Variants in PRDM14 observed in about 807,000 individuals in gnomAD.
PRDM14 encodes PR domain zinc finger protein 14.
In PRDM14, 16 loss-of-function variants were observed where a neutral mutation model predicts 48.0. The ratio of observed to expected loss-of-function variants is 0.33; its 90% CI spans 0.23 to 0.51. The LOEUF is 0.51. PRDM14 is among the 20% of genes least tolerant of loss of function. The pLI, the probability that PRDM14 is intolerant of heterozygous loss-of-function variation, is 0.97. For synonymous variants in PRDM14, 264 were observed against 276.6 expected (o/e 0.95, Z 0.45); for missense variants, 566 against 719.6 (o/e 0.79, Z 2.44).
At chr8:70,066,859 G>A (rs992842831) in intron 4 of PRDM14, among the ~76,000 whole-genome samples, 3 of 151,894 alleles carry the variant, frequency 2.0e-5, no homozygotes, top group African/African-American at 4.8e-5. Context: ...CTGAGTAGCT[G>A]GAACTAAAGG....
Position 70,069,847 on chromosome 8 carries a change from C to A in PRDM14, c.14G>T (p.Arg5Leu), listed in dbSNP as rs1230505655. MALP[R>L]PSEAVPQDKV... ...GTCCTGAGGCACGGCCTCACTTGGC[C>A]GGGGTAGAGCCATCCCGGGACCGCA... is the stretch of plus-strand genomic sequence containing the variant. Residue 5 changes from arginine (R) to leucine (L), a missense_variant, in exon 2 of 8, where the codon CGG becomes CTG. This residue lies in a region of PRDM14 where 410 missense variants were observed against 424.6 expected (regional missense o/e 0.97). Transcript: ENST00000276594. The A allele has an allele frequency of 6.2e-7, 1 of 1,600,344 alleles. No homozygotes were observed. Among genetic ancestry groups the A allele is most frequent in the South Asian group, 1.1e-5 (1 of 89,018 alleles).
intron 7 of PRDM14, among the ~76,000 whole-genome samples, chr8:70,054,949 G>A (rs1805448533): frequency 1.3e-5 from 2 of 151,948 alleles, no homozygotes; most frequent in African/African-American, 4.8e-5. Context: ...AGCCTCCCAA[G>A]TAGCTGGGAC....
At chr8:70,063,194 G>A (rs1464342851) in intron 5 of PRDM14, among the ~76,000 whole-genome samples, 1 of 152,150 alleles carries the variant, frequency 6.6e-6, no homozygotes, top group East Asian at 1.9e-4. Context: ...AGAATTTAGG[G>A]AGGCCAAGGT....
In PRDM14 at chr8:70,051,760, C is replaced by A; in HGVS notation, c.*317G>T. Reference sequence around the variant, plus strand: ...TACATTGTCTCCACACTCTTGAGGGCTACTCATTTTTTTTGTTTTGTTTTG... The same window carrying A: ...TACATTGTCTCCACACTCTTGAGGGATACTCATTTTTTTTGTTTTGTTTTG... On this transcript the variant is annotated 3_prime_UTR_variant, in exon 8 of 8. Transcript: ENST00000276594. The A allele has an allele frequency of 7.3e-6, 1 of 136,934 alleles. No homozygotes were observed. Among genetic ancestry groups the A allele is most frequent in the Non-Finnish European group, 1.3e-5 (1 of 75,314 alleles). The allele number at this position is 136,934 out of a possible 1,614,324, so 8.5% of individuals were successfully genotyped here.
chr8:70,064,122 A>C (rs1300057156), intron 5 of PRDM14, among the ~76,000 whole-genome samples: 2 of 152,144 alleles, frequency 1.3e-5, no homozygotes, highest in Non-Finnish European at 2.9e-5. Context: ...CAGCATGGAC[A>C]TAAGATACCT....
intron 6 of PRDM14, among the ~76,000 whole-genome samples, chr8:70,056,095 A>G (rs1419155413): frequency 3.9e-5 from 6 of 152,376 alleles, no homozygotes; most frequent in Admixed American, 3.9e-4. Flanking sequence ...CTAGAAATCA[A>G]GGAGGGGTGA....
intron 4 of PRDM14, 96 bp from the exon 5 acceptor site, chr8:70,066,601 T>C: frequency 1.1e-6 from 1 of 904,540 alleles, no homozygotes; most frequent in South Asian, 1.7e-5. Context: ...ATATCACACT[T>C]GAGTCCACCA....
intron 2 of PRDM14, among the ~76,000 whole-genome samples, chr8:70,068,911 C>G (rs533493500): frequency 1.0e-3 from 153 of 152,328 alleles, no homozygotes; most frequent in African/African-American, 3.6e-3. Flanking sequence ...TCTGAACCTA[C>G]CTGGGAGTTC....
chr8:70,066,152 G>C, intron 5 of PRDM14, 83 bp downstream of exon 5: 1 of 1,433,278 alleles, frequency 7.0e-7, no homozygotes, highest in South Asian at 1.3e-5. Context: ...GGAGGGAGGA[G>C]CTGTGCATGG....
chr8:70,069,816 C>T lies in PRDM14; in HGVS notation c.45G>A (p.Val15=), dbSNP rs1258442465. The T allele has an allele frequency of 6.2e-7, 1 of 1,609,364 alleles. No individual in the cohort carries two copies. ...RPSEAVPQDK[V]CYPPESSPQN... is the part of the protein sequence containing the mutation. ...GCGGGCTGCTCTCCGGCGGGTAGCA[C>T]ACCTTGTCCTGAGGCACGGCCTCAC... The change falls in exon 2 of 8, where the codon GTG becomes GTA. Residue 15 remains valine, a synonymous_variant. Coordinates refer to ENST00000276594, the MANE Select transcript of PRDM14 (RefSeq NM_024504.4).
At position 70,051,796 on chromosome 8, in the gene PRDM14, G is replaced by A. The variant is rs571759914; in HGVS notation, c.*281C>T. The A allele has an allele frequency of 4.6e-5, 10 of 216,802 alleles. No homozygotes were observed. Among genetic ancestry groups the A allele is most frequent in the African/African-American group, 3.9e-4 (10 of 25,328 alleles). The allele number at this position is 216,802 out of a possible 1,614,324, so 13.4% of individuals were successfully genotyped here. A position where few individuals can be genotyped will look rare whatever the true frequency, so the allele number is the denominator to read the frequency against. Reference sequence around the variant, plus strand: ...TTTTGTTTTGTTTTGTTTTGAGACAGGGTCTGGTTCTGTCACCCAGGTTGA... The same window carrying A: ...TTTTGTTTTGTTTTGTTTTGAGACAAGGTCTGGTTCTGTCACCCAGGTTGA... On this transcript the variant is annotated 3_prime_UTR_variant, in exon 8 of 8. Coordinates refer to ENST00000276594, the MANE Select transcript of PRDM14 (RefSeq NM_024504.4).
intron 6 of PRDM14, among the ~76,000 whole-genome samples, chr8:70,057,106 C>A (rs531446821): frequency 1.3e-5 from 2 of 151,844 alleles, no homozygotes; most frequent in South Asian, 4.2e-4. Flanking sequence ...GGTGGGACTA[C>A]AGGTGCCCAC....
chr8:70,066,102 G>C, intron 5 of PRDM14, 133 bp downstream of exon 5: 1 of 999,966 alleles, frequency 1.0e-6, no homozygotes, highest in Non-Finnish European at 1.5e-6. Flanking sequence ...TTCCCCCCTG[G>C]TTAGAGACAC....
chr8:70,059,953 C>A (rs532639951), intron 5 of PRDM14, among the ~76,000 whole-genome samples: 2 of 151,906 alleles, frequency 1.3e-5, no homozygotes, highest in Non-Finnish European at 2.9e-5. Context: ...ATTAGCCAGG[C>A]GTGGTGGTGC....
chr8:70,058,940 C>G (rs910459254), intron 5 of PRDM14, 98 bp from the exon 6 acceptor site: 2 of 1,049,202 alleles, frequency 1.9e-6, no homozygotes, highest in Non-Finnish European at 2.7e-6. Flanking sequence ...GCCAAGAATT[C>G]TTTGGCTACT....
chr8:70,054,077 C>T (rs188464738), intron 7 of PRDM14, among the ~76,000 whole-genome samples: 30 of 152,334 alleles, frequency 2.0e-4, no homozygotes, highest in African/African-American at 7.2e-4. Flanking sequence ...CCGCGAACTG[C>T]ACATTGGGTA....
At chr8:70,055,074 T>G (rs1011241040) in intron 7 of PRDM14, among the ~76,000 whole-genome samples, 2 of 152,226 alleles carry the variant, frequency 1.3e-5, no homozygotes, top group African/African-American at 2.4e-5. Context: ...AAATTTGGAA[T>G]GTATTTTATT....
At chr8:70,056,488 T>A (rs1270180027) in intron 6 of PRDM14, among the ~76,000 whole-genome samples, 1 of 152,204 alleles carries the variant, frequency 6.6e-6, no homozygotes, top group East Asian at 1.9e-4. Context: ...TTATTTATTT[T>A]TATTTATTTT....
At chr8:70,069,042 T>A in intron 2 of PRDM14, 119 bp downstream of exon 2, 1 of 771,506 alleles carries the variant, frequency 1.3e-6, no homozygotes, top group Admixed American at 2.7e-5. Context: ...ATGGAGGTAC[T>A]TCCCCCTTCC....
Sources: gnomAD v4.1 joint callset for allele counts (sites outside exome capture counted in the v4.1 genomes callset) on GRCh38, gnomAD v4.1.1 for gene constraint, gnomAD v4.1.1 regional missense constraint, MANE v1.5 for transcripts, NCBI Gene and HGNC (gene_info 2026-07-23, HGNC 2026-07-21) for gene names.